Variants in CARD14 observed in about 807,000 individuals in gnomAD.
The protein encoded by CARD14 is caspase recruitment domain family member 14, also known as caspase recruitment domain-containing protein 14.
In CARD14, 107 loss-of-function variants were observed where a neutral mutation model predicts 111.5. That is an observed-to-expected ratio of 0.96 (90% CI 0.82 to 1.13). The LOEUF is 1.13. Among genes scored for constraint, CARD14 ranks in the 50% most tolerant of loss-of-function variants. The pLI, the probability that CARD14 is intolerant of heterozygous loss-of-function variation, is 0.00. For missense variants in CARD14, 1,322 were observed against 1,362.3 expected (o/e 0.97, Z 0.47); for synonymous variants, 617 against 579.6 (o/e 1.06, Z -0.93).
intron 1 of CARD14, chr17:80,170,606 G>A (rs963553652): frequency 6.6e-6 from 1 of 152,180 alleles, no homozygotes; most frequent in Non-Finnish European, 1.5e-5. Flanking sequence ...TCACTGGCAA[G>A]GGAAGAGACT....
intron 20 of CARD14, chr17:80,204,664 A>G (rs1199323319): frequency 1.0e-5 from 4 of 381,970 alleles, no homozygotes; most frequent in Admixed American, 4.1e-5. Flanking sequence ...TACAGGACAG[A>G]GGGAGGGCTA....
chr17:80,191,268 C>A, intron 10 of CARD14, 55 bp from the exon 11 acceptor site: 1 of 1,584,916 alleles, frequency 6.3e-7, no homozygotes, highest in Non-Finnish European at 8.6e-7. Context: ...CCTTCTCTAG[C>A]TGAGGCTCCC....
rs1025571274 is a variant in CARD14 at position 80,195,094 on chromosome 17, T to A, written c.1357-97T>A. On this transcript the variant is annotated intron_variant, in intron 12 of 23. Transcript: ENST00000648509. The surrounding 1 kb of genome is among the most constrained non-coding windows in gnomAD (Gnocchi z 4.7). ...CCCCTCCTGCCTCCTCTCCAGTCAG[T>A]TCTCACTGTGGCTCTCTCTACACCG... 20 of 1,458,072 alleles carry A rather than the reference T, an allele frequency of 1.4e-5. No homozygotes were observed. The African/African-American group carries it at 2.5e-4, about 18-fold the overall frequency. The allele number at this position is 1,458,072 out of a possible 1,614,324, so 90.3% of individuals were successfully genotyped here.
At chr17:80,185,699 T>G (rs1354490867) in intron 7 of CARD14, among the ~76,000 whole-genome samples, 2 of 152,230 alleles carry the variant, frequency 1.3e-5, no homozygotes, top group East Asian at 3.9e-4. Context: ...TGTGTTCTGC[T>G]GTTCCTCTCT....
intron 2 of CARD14, among the ~76,000 whole-genome samples, chr17:80,174,653 C>T (rs1333200513): frequency 2.0e-5 from 3 of 152,082 alleles, no homozygotes; most frequent in Non-Finnish European, 4.4e-5. Flanking sequence ...CTATTCCCAC[C>T]GTAGTTTAGT....
At position 80,182,819 on chromosome 17, in the gene CARD14, A is replaced by G; in HGVS notation, c.349+29A>G. 2 of 1,613,394 alleles carry G rather than the reference A, an allele frequency of 1.2e-6. No homozygotes were observed. Among genetic ancestry groups the G allele is most frequent in the South Asian group, 2.2e-5 (2 of 91,060 alleles). Reference sequence around the variant, plus strand: ...AGAGCTCCGACTTTGACGGTTTGGCAGGCACTTCTAGGAACCTCAGGCTCC... The same window carrying G: ...AGAGCTCCGACTTTGACGGTTTGGCGGGCACTTCTAGGAACCTCAGGCTCC... On this transcript the variant is annotated intron_variant, in intron 6 of 23. Transcript: ENST00000648509. This position sits in a 1 kb window ranked among gnomAD's most constrained non-coding sequence, Gnocchi z 4.7.
At chr17:80,205,467 C>A in intron 21 of CARD14, 64 bp from the exon 22 acceptor site, 1 of 1,551,176 alleles carries the variant, frequency 6.4e-7, no homozygotes, top group Non-Finnish European at 8.7e-7. Flanking sequence ...GGGTGTTTAC[C>A]ATGGGACTCC....
intron 4 of CARD14, among the ~76,000 whole-genome samples, chr17:80,180,760 TTGTTTGTG>T (rs112161748): frequency 0.19 from 28,888 of 150,780 alleles, 2,849 homozygotes; most frequent in East Asian, 0.25. Context: ...GTTTGTTTGT[TTGTTTGTG>T]TGTTTGTTTA....
Position 80,208,199 on chromosome 17 carries a change from G to A in CARD14, c.2869G>A (p.Glu957Lys), listed in dbSNP as rs1240011102. The A allele has an allele frequency of 1.9e-6, 3 of 1,554,500 alleles. No individual in the cohort carries two copies. The highest frequency in any genetic ancestry group is 2.0e-5 in the Admixed American group (1 of 51,170). Residue 957 changes from glutamate to lysine, a missense_variant, in exon 24 of 24, where the codon GAG becomes AAG. Physicochemically the swap from Glu to Lys is moderately conservative, Grantham distance 56 (BLOSUM62 1). Coordinates refer to ENST00000648509, the MANE Select transcript of CARD14 (RefSeq NM_001366385.1). ...GCTCCTGGAGGCTGCGAGGCAGGAG[G>A]AGGGAGACCTGGACCGGGCGCCCTG... ...EQLLEAARQEEGDLDRAPCLY... is the reference protein window; with the variant it reads ...EQLLEAARQEKGDLDRAPCLY...
intron 2 of CARD14, among the ~76,000 whole-genome samples, chr17:80,175,734 C>T (rs1257654160): frequency 1.3e-5 from 2 of 152,084 alleles, no homozygotes; most frequent in African/African-American, 2.4e-5. Context: ...ACAGGCAGGG[C>T]CTGGCTGGGA....
chr17:80,190,675 C>A, intron 9 of CARD14, 99 bp from the exon 10 acceptor site: 1 of 1,320,230 alleles, frequency 7.6e-7, no homozygotes, highest in Non-Finnish European at 1.0e-6. Context: ...ATCCCTAGAA[C>A]TGTCTCCCTC....
chr17:80,193,345 G>A (rs1050316423), intron 12 of CARD14, among the ~76,000 whole-genome samples: 1 of 150,898 alleles, frequency 6.6e-6, no homozygotes, highest in Non-Finnish European at 1.5e-5. Flanking sequence ...GAGTTTCCAG[G>A]GGACCCGATT....
rs1332544672 is a variant in CARD14, at chr17:80,181,556, AC to A, written c.123del (p.Tyr42ThrfsTer36). ...ACGCTGCATCTGCCCCAGCCGCCTC[AC>A]CCCCTACCTGCGCCAGGCCAAGGTG... The part of the protein sequence containing the change: ...IVRCICPSRL[T>X]PYLRQAKVLC... On this transcript the variant is annotated frameshift_variant, in exon 5 of 24. Transcript: ENST00000648509. LOFTEE classifies it high-confidence loss of function. The A allele has an allele frequency of 1.0e-5, 16 of 1,570,162 alleles. No individual in the cohort carries two copies. Among genetic ancestry groups the A allele is most frequent in the South Asian group, 3.5e-5 (3 of 85,298 alleles).
In CARD14 at chr17:80,207,973, G is replaced by A. The variant is rs144103577; in HGVS notation, c.2808-165G>A. ...AGCAAGGCTGTGTTCTAGACAACCT[G>A]CCTCCCACCACTGGGGCCTGGGGCC... is the stretch of plus-strand genomic sequence containing the variant. On this transcript the variant is annotated intron_variant, in intron 23 of 23. Transcript: ENST00000648509. Among the ~76,000 whole-genome samples the A allele has an allele frequency of 1.3e-4, 20 of 152,270 alleles. No homozygotes were observed. In the East Asian group the frequency reaches 1.7e-3, roughly 13 times the overall value.
chr17:80,185,809 C>T (rs2144206259), intron 7 of CARD14, among the ~76,000 whole-genome samples: 1 of 152,312 alleles, frequency 6.6e-6, no homozygotes, highest in East Asian at 1.9e-4. Flanking sequence ...GATAGACGAC[C>T]TCTCATTTGG....
rs1488235901 is a variant in CARD14, at chr17:80,182,138, G to A, written c.211+489G>A. Among the ~76,000 whole-genome samples the A allele has an allele frequency of 6.6e-6, 1 of 152,220 alleles. No homozygotes were observed. Among genetic ancestry groups the A allele is most frequent in the Admixed American group, 6.5e-5 (1 of 15,292 alleles). ...TGGCGTACGAACCCCAAACACAGGA[G>A]AGATTGATGCACGCTGGTCATTCTG... On this transcript the variant is annotated intron_variant, in intron 5 of 23. Coordinates refer to ENST00000648509, the MANE Select transcript of CARD14 (RefSeq NM_001366385.1). This position sits in a 1 kb window ranked among gnomAD's most constrained non-coding sequence, Gnocchi z 4.7.
chr17:80,186,925 CT>C (rs930271739), intron 7 of CARD14, among the ~76,000 whole-genome samples: 13 of 152,326 alleles, frequency 8.5e-5, no homozygotes, highest in African/African-American at 3.1e-4. Context: ...CTTCTCAGCC[CT>C]TTCAGGGGAC....
rs756209072 is a variant in CARD14 at position 80,189,731 on chromosome 17, G to A, written c.844-22G>A. 1.3e-6 allele frequency: 2 copies of A among 1,548,152 alleles called. No individual in the cohort carries two copies. The highest frequency in any genetic ancestry group is 2.8e-5 in the African/African-American group (2 of 70,364). ...GGCCTCTGGGGAAGCCAGCACCCCA[G>A]GCTGACCTCTCTCTGCCCCAGGCGG... On this transcript the variant is annotated intron_variant, in intron 8 of 23. Transcript: ENST00000648509. The surrounding 1 kb of genome is among the most constrained non-coding windows in gnomAD (Gnocchi z 4.7).
intron 4 of CARD14, among the ~76,000 whole-genome samples, chr17:80,180,364 T>A (rs2040130368): frequency 6.6e-6 from 1 of 152,186 alleles, no homozygotes; most frequent in African/African-American, 2.4e-5. Flanking sequence ...GTCCACCCTC[T>A]GTCTGCCTCG....
Sources: allele counts gnomAD v4.1 joint callset (sites outside exome capture counted in the v4.1 genomes callset), GRCh38; gene constraint gnomAD v4.1.1; non-coding constraint Gnocchi (gnomAD v3.1); transcripts MANE v1.5; gene names NCBI Gene and HGNC (gene_info 2026-07-23, HGNC 2026-07-21).